The following HOOK2 variants were observed in gnomAD, a reference collection of about 807,000 sequenced individuals.
The protein encoded by HOOK2 is hook microtubule tethering protein 2, also known as protein Hook homolog 2.
In HOOK2, 108 loss-of-function variants were observed where a neutral mutation model predicts 111.9. The observed-to-expected ratio is 0.96, with a 90% CI of 0.83 to 1.13. HOOK2 has a LOEUF of 1.13. Among genes scored for constraint, HOOK2 ranks in the 50% most tolerant of loss-of-function variants. HOOK2 has a pLI of 0.00. For missense variants in HOOK2, 978 were observed against 951.3 expected, an observed-to-expected ratio of 1.03 and a Z score of -0.37; for synonymous variants, 405 against 394.3, an observed-to-expected ratio of 1.03 and a Z score of -0.32.
At chr19:12,767,964 AC>A in intron 12 of HOOK2, 48 bp downstream of exon 12, 1 of 1,610,214 alleles carries the variant, frequency 6.2e-7, no homozygotes, top group South Asian at 1.1e-5. Flanking sequence ...GAAATGGGCT[AC>A]CCCAGAATTG....
chr19:12,764,217 G>C (rs1349333886), intron 20 of HOOK2: 1 of 168,294 alleles, frequency 5.9e-6, no homozygotes, highest in Non-Finnish European at 1.3e-5. Context: ...GTTTCGCCAT[G>C]TTGGCCAGGC....
At chr19:12,765,584 C>T in intron 18 of HOOK2, 106 bp downstream of exon 18, 1 of 1,449,394 alleles carries the variant, frequency 6.9e-7, no homozygotes, top group Non-Finnish European at 9.7e-7. Context: ...CCCGTCTCTA[C>T]TAAAAATATA....
chr19:12,770,812 C>T, intron 10 of HOOK2, 120 bp downstream of exon 10: 1 of 1,234,876 alleles, frequency 8.1e-7, no homozygotes, highest in Non-Finnish European at 1.1e-6. Flanking sequence ...GTCCAGGGGG[C>T]ATATTGGGGG....
intron 11 of HOOK2, among the ~76,000 whole-genome samples, chr19:12,769,352 CAG>C (rs1968246833): frequency 6.6e-6 from 1 of 152,052 alleles, no homozygotes; most frequent in African/African-American, 2.4e-5. Flanking sequence ...TGTGGGGTTA[CAG>C]AAGGAGTTAT....
rs1457845262 is a variant in HOOK2, at chr19:12,770,957, G to T, written c.877C>A (p.Leu293Met). The T allele has an allele frequency of 1.2e-6, 2 of 1,608,152 alleles. No homozygotes were observed. Among genetic ancestry groups the T allele is most frequent in the Non-Finnish European group, 1.7e-6 (2 of 1,176,646 alleles). ...LTSLAQEAQALKDEMDELRQS... is the reference protein window; with the variant it reads ...LTSLAQEAQAMKDEMDELRQS... ...CGTAGTTCATCCATCTCATCCTTCA[G>T]GGCCTGTGCCTCCTGGGCCAGGCTA... Residue 293 changes from leucine (L) to methionine (M), a missense_variant, in exon 10 of 23, where the codon CTG becomes ATG. Transcript: ENST00000397668.
intron 3 of HOOK2, among the ~76,000 whole-genome samples, chr19:12,788,765 A>G (rs1968678170): frequency 6.6e-6 from 1 of 152,158 alleles, no homozygotes; most frequent in Non-Finnish European, 1.5e-5. Context: ...GCCCAGCCAG[A>G]TGTCAGCTGC....
Position 12,772,263 on chromosome 19 carries a change from G to C in HOOK2, c.457-11C>G, listed in dbSNP as rs1968359992. 6.2e-7 allele frequency: 1 copy of C among 1,613,536 alleles called. No homozygotes were observed. The highest frequency in any genetic ancestry group is 8.5e-7 in the Non-Finnish European group (1 of 1,179,584). ...GTCTTTGGTCATGAGCTGAGGAGTG[G>C]GAAGGGGCATTGTAATGAACTGGAT... On this transcript the variant is annotated splice_polypyrimidine_tract_variant and intron_variant, in intron 6 of 22. Coordinates refer to ENST00000397668, the MANE Select transcript of HOOK2 (RefSeq NM_013312.3).
chr19:12,764,135 C>T (rs996386419), intron 20 of HOOK2, among the ~76,000 whole-genome samples: 46 of 152,176 alleles, frequency 3.0e-4, no homozygotes, highest in Admixed American at 2.8e-3. Context: ...CTGCCTCAGC[C>T]TCCCGAGTAG....
chr19:12,788,739 G>A (rs1032986435), intron 3 of HOOK2, among the ~76,000 whole-genome samples: 2 of 152,192 alleles, frequency 1.3e-5, no homozygotes, highest in African/African-American at 2.4e-5. Context: ...AACGCTGCCC[G>A]CTGCGCCCCC....
At position 12,771,462 on chromosome 19, in the gene HOOK2, A is replaced by T. The variant is rs899809095; in HGVS notation, c.535T>A (p.Phe179Ile). Residue 179 changes from phenylalanine to isoleucine, a missense_variant, in exon 8 of 23, where the codon TTC becomes ATC. Physicochemically the swap from Phe to Ile is conservative, Grantham distance 21. Around this residue, in one of 5 missense-constraint regions of HOOK2, gnomAD observed 301 missense variants for 286.1 expected, o/e 1.05. Transcript: ENST00000397668. ...CCCTCCTCAGCCTCCTCACTTAGGA[A>T]ATAGTACCTGCGGGACTGCAGAGAT... ...NFDSQSRRYY[F>I]LSEEAEEGDE... The T allele has an allele frequency of 1.2e-5, 19 of 1,612,898 alleles. No individual in the cohort carries two copies. In the East Asian group the frequency reaches 4.2e-4, roughly 36 times the overall value.
chr19:12,773,227 GTTTCTT>G, intron 3 of HOOK2, 183 bp from the exon 4 acceptor site: 1 of 283,628 alleles, frequency 3.5e-6, no homozygotes, highest in East Asian at 5.7e-5. Flanking sequence ...GACCATCTTT[GTTTCTT>G]TTTTTTTTTT....
rs1968720581 is a variant in HOOK2 at position 12,791,839 on chromosome 19, C to T, written n.42-17614G>A. 1 of 1,613,414 alleles carries T rather than the reference C, an allele frequency of 6.2e-7. No individual in the cohort carries two copies. The highest frequency in any genetic ancestry group is 2.2e-5 in the East Asian group (1 of 44,862). ...TACACAGCTACGGGATACGGCCGGG[C>T]CCCTGGTGGCCTCTCTCTACACGAC... On this transcript the variant is annotated intron_variant and non_coding_transcript_variant, in intron 3 of 3. Coordinates refer to the HOOK2 transcript ENST00000589765. This position sits in a 1 kb window ranked among gnomAD's most constrained non-coding sequence, Gnocchi z 7.0.
chr19:12,767,302 G>T (rs1040554046), intron 14 of HOOK2, 93 bp downstream of exon 14: 5 of 1,086,268 alleles, frequency 4.6e-6, no homozygotes, highest in Admixed American at 1.8e-5. Context: ...CCAAGCAACC[G>T]GGGCTAGCAG....
At chr19:12,763,872 T>C in intron 20 of HOOK2, 94 bp from the exon 21 acceptor site, 2 of 842,806 alleles carry the variant, frequency 2.4e-6, no homozygotes, top group Non-Finnish European at 3.8e-6. Context: ...TTTCATTCAT[T>C]ATAGAGACAG....
chr19:12,789,703 C>T (rs545599069), intron 3 of HOOK2, among the ~76,000 whole-genome samples: 29 of 151,288 alleles, frequency 1.9e-4, no homozygotes, highest in African/African-American at 6.8e-4. Context: ...GACCCAGGCC[C>T]GCGGGCAGGC....
chr19:12,767,331 C>CG, intron 14 of HOOK2, 64 bp downstream of exon 14: 1 of 1,360,762 alleles, frequency 7.3e-7, no homozygotes, highest in Non-Finnish European at 1.0e-6. Flanking sequence ...AGGGCGGGAG[C>CG]GGGGCTGAGG....
rs568189088 is a variant in HOOK2 at position 12,771,302 on chromosome 19, C to T, written c.618G>A (p.Glu206=). The change falls in exon 9 of 23, where the codon GAG becomes GAA. Residue 206 remains glutamate, a synonymous_variant. Coordinates refer to ENST00000397668, the MANE Select transcript of HOOK2 (RefSeq NM_013312.3). The stretch of plus-strand genomic sequence containing the variant: ...TCTCTTGCGCCAGGCTCTGCTTCTC[C>T]TCTGACAGGAGCATCAGCTGCGGGC... ...DLERQLMLLS[E]EKQSLAQENA... 1.9e-6 allele frequency: 3 copies of T among 1,604,122 alleles called. No individual in the cohort carries two copies. Among genetic ancestry groups the T allele is most frequent in the Non-Finnish European group, 2.6e-6 (3 of 1,174,928 alleles).
chr19:12,771,448 C>G lies in HOOK2; in HGVS notation c.549G>C (p.Glu183Asp). Reference protein sequence around the residue: ...QSRRYYFLSEEAEEGDELQQR... With the variant: ...QSRRYYFLSEDAEEGDELQQR... ...GCTGTAATTCGTCCCCCTCCTCAGC[C>G]TCCTCACTTAGGAAATAGTACCTGC... The change falls in exon 8 of 23, where the codon GAG (glutamate) becomes GAC (aspartate). Residue 183 changes from glutamate to aspartate, a missense_variant. By Grantham distance (45) the Glu-to-Asp change is conservative. Coordinates refer to ENST00000397668, the MANE Select transcript of HOOK2 (RefSeq NM_013312.3). 6.2e-7 allele frequency: 1 copy of G among 1,613,506 alleles called. No homozygotes were observed. The highest frequency in any genetic ancestry group is 8.5e-7 in the Non-Finnish European group (1 of 1,179,784).
In HOOK2 at chr19:12,775,489, C is replaced by A. The variant is rs749834501; in HGVS notation, c.-40G>T. On this transcript the variant is annotated 5_prime_UTR_variant, in exon 1 of 23. Transcript: ENST00000397668. ...TTCAATCCAGGCCACGGAGCCCCGGCGCCGCAGCAGCCTCCGGGTCCGCCA... is the reference window on the plus strand; with the variant it reads ...TTCAATCCAGGCCACGGAGCCCCGGAGCCGCAGCAGCCTCCGGGTCCGCCA... 6 of 1,592,742 alleles carry A rather than the reference C, an allele frequency of 3.8e-6. No individual in the cohort carries two copies. The highest frequency in any genetic ancestry group is 3.4e-6 in the Non-Finnish European group (4 of 1,171,948).
Sources: allele counts gnomAD v4.1 joint callset (sites outside exome capture counted in the v4.1 genomes callset), GRCh38; gene constraint gnomAD v4.1.1; regional missense constraint gnomAD v4.1.1; non-coding constraint Gnocchi (gnomAD v3.1); transcripts MANE v1.5; gene names NCBI Gene and HGNC (gene_info 2026-07-23, HGNC 2026-07-21).